ST7: variants seen among roughly 807,000 people sequenced by gnomAD.
The protein encoded by ST7 is suppressor of tumorigenicity 7 protein.
In ST7, 28 loss-of-function variants were observed where a neutral mutation model predicts 78.7. The ratio of observed to expected loss-of-function variants is 0.36; its 90% confidence interval spans 0.26 to 0.49. The LOEUF is 0.49. Among genes scored for constraint, ST7 ranks in the 20% least tolerant of loss-of-function variants. ST7 has a pLI of 0.99. For synonymous variants in ST7, 247 were observed against 249.6 expected, an observed-to-expected ratio of 0.99 and a Z score of 0.10; for missense variants, 418 against 696.0, an observed-to-expected ratio of 0.60 and a Z score of 4.49.
chr7:117,068,141 T>C (rs1336641855), intron 1 of ST7, among the ~76,000 whole-genome samples: 2 of 152,208 alleles, frequency 1.3e-5, no homozygotes, highest in Admixed American at 1.3e-4. Flanking sequence ...TATTGTAGGG[T>C]TCACAGTTTA....
chr7:117,187,362 T>A (rs1371536294), intron 10 of ST7, among the ~76,000 whole-genome samples: 1 of 152,210 alleles, frequency 6.6e-6, no homozygotes, highest in East Asian at 1.9e-4. Flanking sequence ...GTTATTTTTT[T>A]TAAGCATTTT....
intron 1 of ST7, among the ~76,000 whole-genome samples, chr7:117,022,388 T>G (rs1412281704): frequency 6.6e-6 from 1 of 152,210 alleles, no homozygotes; most frequent in African/African-American, 2.4e-5. Flanking sequence ...TGTATACCTA[T>G]GTAACAAACC....
intron 2 of ST7, among the ~76,000 whole-genome samples, chr7:117,101,356 A>AT (rs1242718784): frequency 6.6e-6 from 1 of 152,226 alleles, no homozygotes; most frequent in African/African-American, 2.4e-5. Context: ...AGCCACTCAC[A>AT]TAAGAGCTTG....
chr7:117,182,123 G>A (rs2117331336), intron 10 of ST7, among the ~76,000 whole-genome samples: 1 of 152,278 alleles, frequency 6.6e-6, no homozygotes, highest in Middle Eastern at 3.4e-3. Flanking sequence ...GAAACACATA[G>A]CACAGTTTAA....
intron 9 of ST7, among the ~76,000 whole-genome samples, chr7:117,164,597 A>G (rs1807398656): frequency 6.6e-6 from 1 of 152,222 alleles, no homozygotes; most frequent in Non-Finnish European, 1.5e-5. Context: ...TAATTCAAGA[A>G]TAACTTTAAA....
intron 12 of ST7, among the ~76,000 whole-genome samples, chr7:117,202,875 C>T (rs375275588): frequency 2.0e-5 from 3 of 152,006 alleles, no homozygotes; most frequent in African/African-American, 7.2e-5. Context: ...TTTTTTCCCC[C>T]CCTCAGTATC....
intron 1 of ST7, among the ~76,000 whole-genome samples, chr7:117,032,095 T>G (rs1796630391): frequency 6.6e-6 from 1 of 152,020 alleles, no homozygotes; most frequent in South Asian, 2.1e-4. Context: ...TTGACCAGGC[T>G]GGTCTCGAAT....
chr7:117,130,410 C>A (rs1804248474), intron 4 of ST7, 81 bp from the exon 5 acceptor site: 1 of 997,860 alleles, frequency 1.0e-6, no homozygotes, highest in Non-Finnish European at 1.5e-6. Context: ...GTCTATATTT[C>A]AACGCCTCTG....
intron 1 of ST7, among the ~76,000 whole-genome samples, chr7:117,025,765 T>C (rs1162395008): frequency 2.6e-5 from 4 of 152,202 alleles, no homozygotes; most frequent in Non-Finnish European, 5.9e-5. Flanking sequence ...TTTTTTCTGA[T>C]AACACACATT....
intron 13 of ST7, among the ~76,000 whole-genome samples, chr7:117,217,676 A>C (rs1467335415): frequency 6.6e-6 from 1 of 152,212 alleles, no homozygotes; most frequent in Non-Finnish European, 1.5e-5. Flanking sequence ...CTTTCATTTT[A>C]AGCAGAGTTA....
intron 13 of ST7, among the ~76,000 whole-genome samples, chr7:117,213,091 G>A (rs566661022): frequency 6.6e-6 from 1 of 152,322 alleles, no homozygotes; most frequent in South Asian, 2.1e-4. Context: ...CCCCAGATTG[G>A]TGACTTCAGG....
intron 1 of ST7, among the ~76,000 whole-genome samples, chr7:116,968,726 G>A (rs1006141378): frequency 6.6e-6 from 1 of 152,082 alleles, no homozygotes; most frequent in African/African-American, 2.4e-5. Flanking sequence ...AGAGCACAAA[G>A]GAGAAATAAA....
At chr7:117,059,392 TA>T (rs1000541289) in intron 1 of ST7, among the ~76,000 whole-genome samples, 1 of 152,140 alleles carries the variant, frequency 6.6e-6, no homozygotes, top group African/African-American at 2.4e-5. Flanking sequence ...GGTTATTATT[TA>T]AAAAGAAAAT....
intron 1 of ST7, among the ~76,000 whole-genome samples, chr7:117,000,003 G>T (rs1794850195): frequency 6.6e-6 from 1 of 151,748 alleles, no homozygotes; most frequent in Non-Finnish European, 1.5e-5. Context: ...AGTAGAGATG[G>T]GGTTTCACCG....
At chr7:117,214,910 TTGTGTGTGTG>T (rs147915016) in intron 13 of ST7, among the ~76,000 whole-genome samples, 3,864 of 143,192 alleles carry the variant, frequency 0.027, 124 homozygotes, top group African/African-American at 0.071. Context: ...GGAAGAACAT[TTGTGTGTGTG>T]TGTGTGTGTG....
chr7:116,984,112 G>GCT, intron 1 of ST7, among the ~76,000 whole-genome samples: 1 of 78,976 alleles, frequency 1.3e-5, no homozygotes, highest in East Asian at 4.9e-4. Flanking sequence ...ATTTATGTCA[G>GCT]CTGTGTGTGT....
At chr7:117,192,728 A>C (rs567593760) in intron 12 of ST7, among the ~76,000 whole-genome samples, 10 of 152,258 alleles carry the variant, frequency 6.6e-5, no homozygotes, top group Non-Finnish European at 1.3e-4. Context: ...ATTTTGATTG[A>C]AGTAGTCATT....
intron 3 of ST7, among the ~76,000 whole-genome samples, chr7:117,125,803 T>C (rs1420945814): frequency 6.6e-6 from 1 of 151,788 alleles, no homozygotes; most frequent in Non-Finnish European, 1.5e-5. Context: ...TCCAGGGGAG[T>C]TTTTAAAAAT....
At chr7:117,005,814 A>G (rs1000985623) in intron 1 of ST7, among the ~76,000 whole-genome samples, 3 of 152,216 alleles carry the variant, frequency 2.0e-5, no homozygotes, top group African/African-American at 7.2e-5. Context: ...TATAGGAAGT[A>G]TTTATTTTTT....
Sources: allele counts gnomAD v4.1 joint callset (sites outside exome capture counted in the v4.1 genomes callset), GRCh38; gene constraint gnomAD v4.1.1; transcripts MANE v1.5; gene names NCBI Gene and HGNC (gene_info 2026-07-23, HGNC 2026-07-21).